The following TGFBR2 variants were observed in gnomAD, a reference collection of about 807,000 sequenced individuals.
TGFBR2 encodes TGF-beta receptor type-2.
In TGFBR2, 18 loss-of-function variants were observed where a neutral mutation model predicts 49.0. The observed-to-expected ratio is 0.37, with a 90% confidence interval of 0.25 to 0.54. The LOEUF (loss-of-function observed/expected upper bound fraction) is 0.54, where lower values mean the gene tolerates loss of function less well. Among genes scored for constraint, TGFBR2 ranks in the 20% least tolerant of loss-of-function variants. TGFBR2 has a pLI of 0.85. For missense variants in TGFBR2, 525 were observed against 722.6 expected (o/e 0.73, Z 3.13); for synonymous variants, 282 against 275.9 (o/e 1.02, Z -0.22).
intron 3 of TGFBR2, chr3:30,661,455 G>C: frequency 4.8e-6 from 2 of 416,790 alleles, no homozygotes; most frequent in Non-Finnish European, 9.6e-6. Context: ...AAGCACAGTG[G>C]AAGGGATGCC....
At position 30,672,587 on chromosome 3, in the gene TGFBR2, C is replaced by T; in HGVS notation, c.1254+150C>T. On this transcript the variant is annotated intron_variant, in intron 4 of 6. Coordinates refer to ENST00000295754, the MANE Select transcript of TGFBR2 (RefSeq NM_003242.6). This position sits in a 1 kb window ranked among gnomAD's most constrained non-coding sequence, Gnocchi z 4.5. ...GCCAAAGTATGGAGTCTGCCTTGAGCATACTCTGCTCTGTCCTGCCTGAGC... is the reference window on the plus strand; with the variant it reads ...GCCAAAGTATGGAGTCTGCCTTGAGTATACTCTGCTCTGTCCTGCCTGAGC... 1.1e-6 allele frequency: 1 copy of T among 882,616 alleles called. No individual in the cohort carries two copies. Among genetic ancestry groups the T allele is most frequent in the Non-Finnish European group, 1.8e-6 (1 of 542,260 alleles). The allele number at this position is 882,616 out of a possible 1,614,324, so 54.7% of individuals were successfully genotyped here.
At chr3:30,675,167 A>G (rs1039782015) in intron 5 of TGFBR2, among the ~76,000 whole-genome samples, 2 of 152,216 alleles carry the variant, frequency 1.3e-5, no homozygotes, top group Admixed American at 6.5e-5. Flanking sequence ...GGACAGATGC[A>G]TGACACATAA....
At chr3:30,660,527 G>A (rs1269844823) in intron 3 of TGFBR2, among the ~76,000 whole-genome samples, 11 of 152,038 alleles carry the variant, frequency 7.2e-5, no homozygotes, top group Admixed American at 2.6e-4. Flanking sequence ...TTTTCGTCAC[G>A]TTCCCCCTGT....
intron 5 of TGFBR2, among the ~76,000 whole-genome samples, chr3:30,679,388 G>A (rs28695299): frequency 0.019 from 2,857 of 152,270 alleles, 94 homozygotes; most frequent in African/African-American, 0.061. Flanking sequence ...AGAAAGAACA[G>A]CACTACACTG....
At chr3:30,637,382 A>G (rs961376576) in intron 1 of TGFBR2, among the ~76,000 whole-genome samples, 1 of 152,218 alleles carries the variant, frequency 6.6e-6, no homozygotes, top group Admixed American at 6.5e-5. Flanking sequence ...GGACTTGGCC[A>G]GCTGGAAAAG....
chr3:30,685,091 C>CT (rs1199683640), intron 5 of TGFBR2, among the ~76,000 whole-genome samples: 5 of 152,172 alleles, frequency 3.3e-5, no homozygotes, highest in African/African-American at 9.7e-5. Flanking sequence ...TTTTCCTCCT[C>CT]TGATGTTGGT....
chr3:30,626,891 G>A (rs185737151), intron 1 of TGFBR2: 4 of 152,272 alleles, frequency 2.6e-5, no homozygotes, highest in African/African-American at 4.8e-5. Context: ...TCAGGTCAAA[G>A]GGTTTCTGAT....
intron 1 of TGFBR2, among the ~76,000 whole-genome samples, chr3:30,607,846 T>C (rs1278920977): frequency 8.2e-6 from 1 of 122,490 alleles, no homozygotes; most frequent in Non-Finnish European, 1.5e-5. Context: ...TAATTATATA[T>C]ATAAATATAT....
In TGFBR2 at chr3:30,672,094, T is replaced by C. The variant is rs1328891008; in HGVS notation, c.911T>C (p.Ile304Thr). 1 of 1,614,190 alleles carries C rather than the reference T, an allele frequency of 6.2e-7. No individual in the cohort carries two copies. The change falls in exon 4 of 7, where the codon ATA becomes ACA. Residue 304 changes from isoleucine to threonine, a missense_variant. Physicochemically the swap from Ile to Thr is moderately conservative, Grantham distance 89 (BLOSUM62 -1). This residue lies in a region of TGFBR2 where 376 missense variants were observed against 478.2 expected (regional missense o/e 0.79). Transcript: ENST00000295754. This position sits in a 1 kb window ranked among gnomAD's most constrained non-coding sequence, Gnocchi z 4.5. ...FSDINLKHEN[I>T]LQFLTAEERK... is the part of the protein sequence containing the mutation. ...GACATCAATCTGAAGCATGAGAACA[T>C]ACTCCAGTTCCTGACGGCTGAGGAG...
intron 5 of TGFBR2, among the ~76,000 whole-genome samples, chr3:30,686,630 C>T (rs967878557): frequency 6.6e-6 from 1 of 152,174 alleles, no homozygotes; most frequent in Non-Finnish European, 1.5e-5. Context: ...TTCTTCAATT[C>T]GTTACCTAGA....
chr3:30,639,588 G>T (rs1469809323), intron 1 of TGFBR2, among the ~76,000 whole-genome samples: 11 of 152,146 alleles, frequency 7.2e-5, no homozygotes, highest in Admixed American at 7.2e-4. Flanking sequence ...ATTAATATTT[G>T]AGAAGCAGTA....
intron 3 of TGFBR2, 39 bp downstream of exon 3, chr3:30,650,499 T>G: frequency 6.2e-7 from 1 of 1,609,428 alleles, no homozygotes; most frequent in Non-Finnish European, 8.5e-7. Context: ...ACCTGAGATC[T>G]GTGCCAATTT....
At position 30,672,341 on chromosome 3, in the gene TGFBR2, C is replaced by T. The variant is rs757158964; in HGVS notation, c.1158C>T (p.Leu386=). The stretch of plus-strand genomic sequence containing the variant: ...GGGACCTCAAGAGCTCCAATATCCT[C>T]GTGAAGAACGACCTAACCTGCTGCC... ...VHRDLKSSNI[L]VKNDLTCCLC... The change falls in exon 4 of 7, where the codon CTC becomes CTT. Residue 386 remains leucine, a synonymous_variant. Transcript: ENST00000295754. The surrounding 1 kb of genome is among the most constrained non-coding windows in gnomAD (Gnocchi z 4.5). 1.7e-5 allele frequency: 28 copies of T among 1,613,558 alleles called. No individual in the cohort carries two copies. The Admixed American group carries it at 2.7e-4, about 15-fold the overall frequency.
In TGFBR2 at chr3:30,680,216, T is replaced by C. The variant is rs559379158; in HGVS notation, c.1396+5970T>C. Reference sequence around the variant, plus strand: ...ACTCTGTGCATCCTGGCAGTAGATATGAAGCCTTCCAGCAGAAGCTGAGGA... The same window carrying C: ...ACTCTGTGCATCCTGGCAGTAGATACGAAGCCTTCCAGCAGAAGCTGAGGA... On this transcript the variant is annotated intron_variant, in intron 5 of 6. Transcript: ENST00000295754. Among the ~76,000 whole-genome samples the C allele has an allele frequency of 7.6e-4, 114 of 149,934 alleles. 1 individual carries two copies. The highest frequency in any genetic ancestry group is 2.8e-3 in the Admixed American group (42 of 14,816).
chr3:30,620,890 G>A (rs1035831433), intron 1 of TGFBR2, among the ~76,000 whole-genome samples: 3 of 152,292 alleles, frequency 2.0e-5, no homozygotes, highest in Non-Finnish European at 2.9e-5. Context: ...TTGCAAAGGT[G>A]ACCCCTGGTT....
intron 1 of TGFBR2, among the ~76,000 whole-genome samples, chr3:30,633,548 C>T (rs929405944): frequency 6.6e-6 from 1 of 152,058 alleles, no homozygotes; most frequent in African/African-American, 2.4e-5. Flanking sequence ...TAATTGTAAA[C>T]ATTCAGGTGG....
intron 5 of TGFBR2, 64 bp downstream of exon 5, chr3:30,674,310 C>T (rs1204482706): frequency 3.1e-6 from 5 of 1,595,340 alleles, no homozygotes; most frequent in Non-Finnish European, 3.4e-6. Flanking sequence ...TCATGTGTTG[C>T]TTCGAGCATT....
intron 1 of TGFBR2, among the ~76,000 whole-genome samples, chr3:30,614,460 G>T (rs1490275056): frequency 6.6e-6 from 1 of 152,134 alleles, no homozygotes; most frequent in Non-Finnish European, 1.5e-5. Flanking sequence ...AAATCATTAC[G>T]AAGTCTTCAT....
intron 3 of TGFBR2, among the ~76,000 whole-genome samples, chr3:30,665,581 A>G (rs1176874654): frequency 6.6e-6 from 1 of 152,216 alleles, no homozygotes; most frequent in Non-Finnish European, 1.5e-5. Context: ...CACTCCACAG[A>G]AGCTCCGACA....
Sources: allele counts gnomAD v4.1 joint callset (sites outside exome capture counted in the v4.1 genomes callset), GRCh38; gene constraint gnomAD v4.1.1; regional missense constraint gnomAD v4.1.1; non-coding constraint Gnocchi (gnomAD v3.1); transcripts MANE v1.5; gene names NCBI Gene and HGNC (gene_info 2026-07-23, HGNC 2026-07-21).